Variants in ACOXL observed in about 807,000 individuals in gnomAD.
ACOXL encodes acyl-coenzyme A oxidase-like protein.
Under a neutral mutation model 71.9 loss-of-function variants are expected in ACOXL, and 70 were observed. The ratio of observed to expected loss-of-function variants is 0.97; its 90% confidence interval spans 0.80 to 1.19. The LOEUF (loss-of-function observed/expected upper bound fraction) is 1.19, where lower values mean the gene tolerates loss of function less well. Ranked by LOEUF, ACOXL falls within the 50% of genes most tolerant of loss-of-function variation. The pLI, the probability that ACOXL is intolerant of heterozygous loss-of-function variation, is 0.00. For missense variants in ACOXL, 703 were observed against 736.3 expected, an observed-to-expected ratio of 0.95 and a Z score of 0.52; for synonymous variants, 253 against 281.6, an observed-to-expected ratio of 0.90 and a Z score of 1.02.
At chr2:111,079,872 C>CAAA (rs5833385) in intron 16 of ACOXL, among the ~76,000 whole-genome samples, 9 of 129,154 alleles carry the variant, frequency 7.0e-5, no homozygotes, top group South Asian at 2.4e-4. Context: ...TGTGAAAGGC[C>CAAA]AAAAAAAAAA....
intron 1 of ACOXL, among the ~76,000 whole-genome samples, chr2:110,739,116 G>A (rs1316908609): frequency 2.0e-5 from 3 of 151,930 alleles, no homozygotes; most frequent in Non-Finnish European, 2.9e-5. Flanking sequence ...CCTTTTTTAT[G>A]TTTGAGGCTT....
At chr2:110,940,873 G>C (rs915389087) in intron 12 of ACOXL, among the ~76,000 whole-genome samples, 1 of 152,194 alleles carries the variant, frequency 6.6e-6, no homozygotes, top group South Asian at 2.1e-4. Context: ...TTAGCAGTGA[G>C]GTAGACACGT....
At chr2:110,863,995 T>G (rs1285529146) in intron 10 of ACOXL, among the ~76,000 whole-genome samples, 2 of 152,180 alleles carry the variant, frequency 1.3e-5, no homozygotes, top group Admixed American at 1.3e-4. Flanking sequence ...TTCTGCTTCT[T>G]CTTCACTAGT....
chr2:110,868,010 C>T (rs768086387), intron 10 of ACOXL, among the ~76,000 whole-genome samples: 1 of 152,216 alleles, frequency 6.6e-6, no homozygotes, highest in South Asian at 2.1e-4. Context: ...ATCCACCCGC[C>T]TCAGCCTCCC....
chr2:110,880,149 C>CAAAAAAAAAAA (rs1553411834), intron 10 of ACOXL, among the ~76,000 whole-genome samples: 1 of 18,818 alleles, frequency 5.3e-5, no homozygotes, highest in African/African-American at 2.3e-4. Flanking sequence ...GACTCTGTCA[C>CAAAAAAAAAAA]AAACAAAAAA....
At chr2:110,950,826 A>AGAGAGAGAGAGAGAGAGAGAGAGG in intron 12 of ACOXL, among the ~76,000 whole-genome samples, 2 of 151,714 alleles carry the variant, frequency 1.3e-5, no homozygotes, top group African/African-American at 2.4e-5. Context: ...AGAGAGAGAG[A>AGAGAGAGAGAGAGAGAGAGAGAGG]GAGAGAGAGG....
intron 8 of ACOXL, among the ~76,000 whole-genome samples, chr2:110,804,603 C>T (rs1279999557): frequency 6.6e-6 from 1 of 152,080 alleles, no homozygotes; most frequent in East Asian, 1.9e-4. Context: ...ACTGAGGAAA[C>T]AGGAAATAAA....
At chr2:110,735,971 C>T (rs538353698) in intron 1 of ACOXL, among the ~76,000 whole-genome samples, 27 of 152,186 alleles carry the variant, frequency 1.8e-4, no homozygotes, top group Admixed American at 1.7e-3. Context: ...TCTGTTCTCT[C>T]AGGGCCTTCT....
chr2:110,960,569 G>C (rs2061664653), intron 12 of ACOXL, among the ~76,000 whole-genome samples: 1 of 151,660 alleles, frequency 6.6e-6, no homozygotes, highest in Non-Finnish European at 1.5e-5. Flanking sequence ...CCATCCTTGT[G>C]ATCCTTAGTC....
intron 10 of ACOXL, among the ~76,000 whole-genome samples, chr2:110,860,903 C>T (rs765137994): frequency 4.6e-5 from 7 of 152,318 alleles, no homozygotes; most frequent in East Asian, 3.9e-4. Context: ...TCTCACAGAT[C>T]GGAGTCCTGC....
At chr2:110,881,454 T>C (rs1326015495) in intron 10 of ACOXL, among the ~76,000 whole-genome samples, 1 of 152,164 alleles carries the variant, frequency 6.6e-6, no homozygotes, top group East Asian at 1.9e-4. Context: ...TGTAATCATA[T>C]ATATATATAT....
In ACOXL at chr2:110,983,877, T is replaced by A. The variant is rs967483194; in HGVS notation, c.1060-3231T>A. Among the ~76,000 whole-genome samples, 5 of 152,156 alleles carry A rather than the reference T, an allele frequency of 3.3e-5. No homozygotes were observed. The East Asian group carries it at 7.7e-4, about 23-fold the overall frequency. On this transcript the variant is annotated intron_variant, in intron 12 of 17. Coordinates refer to ENST00000439055, the MANE Select transcript of ACOXL (RefSeq NM_001142807.4). ...TTTTATTTTATTTTTGGAGACAGAG[T>A]CTCACTCTGTCGCCCAGGCTGGAGT...
intron 3 of ACOXL, among the ~76,000 whole-genome samples, chr2:110,788,691 A>G (rs1055654401): frequency 3.9e-5 from 6 of 152,260 alleles, no homozygotes; most frequent in South Asian, 4.1e-4. Context: ...ATTATTAACT[A>G]TGCTGTCCCA....
At chr2:110,818,408 A>C (rs867264091) in intron 9 of ACOXL, among the ~76,000 whole-genome samples, 15 of 131,672 alleles carry the variant, frequency 1.1e-4, no homozygotes, top group African/African-American at 2.7e-4. Flanking sequence ...AAAAAAAAAA[A>C]ACATATATAT....
At chr2:110,757,260 A>G (rs111513761) in intron 1 of ACOXL, among the ~76,000 whole-genome samples, 2 of 152,296 alleles carry the variant, frequency 1.3e-5, no homozygotes, top group Non-Finnish European at 2.9e-5. Flanking sequence ...ATAGTATTCC[A>G]TGGTATATAT....
intron 14 of ACOXL, among the ~76,000 whole-genome samples, chr2:111,020,216 T>C (rs2064681522): frequency 6.6e-6 from 1 of 152,282 alleles, no homozygotes; most frequent in East Asian, 1.9e-4. Context: ...TCACCACCCA[T>C]CCGTGGGTGG....
At chr2:110,899,369 C>T (rs1167010469) in intron 10 of ACOXL, among the ~76,000 whole-genome samples, 1 of 152,324 alleles carries the variant, frequency 6.6e-6, no homozygotes, top group Non-Finnish European at 1.5e-5. Context: ...GCATTTATCT[C>T]CTTGCTCACA....
chr2:110,737,806 T>C (rs1658588861), intron 1 of ACOXL, among the ~76,000 whole-genome samples: 1 of 152,198 alleles, frequency 6.6e-6, no homozygotes, highest in Non-Finnish European at 1.5e-5. Flanking sequence ...CACCACCCCC[T>C]TGGGAATTTT....
intron 1 of ACOXL, among the ~76,000 whole-genome samples, chr2:110,746,727 T>A (rs866196497): frequency 2.0e-4 from 30 of 152,148 alleles, no homozygotes; most frequent in South Asian, 8.3e-4. Flanking sequence ...TTGACTTAGG[T>A]CAGCGAACTA....
Sources: allele counts gnomAD v4.1 joint callset (sites outside exome capture counted in the v4.1 genomes callset), GRCh38; gene constraint gnomAD v4.1.1; transcripts MANE v1.5; gene names NCBI Gene and HGNC (gene_info 2026-07-23, HGNC 2026-07-21).